PAK2: variants seen among roughly 807,000 people sequenced by gnomAD.
The protein encoded by PAK2 is p21 (RAC1) activated kinase 2, also known as serine/threonine-protein kinase PAK 2.
A neutral mutation model predicts 65.9 loss-of-function variants in PAK2; 21 were observed. That is an observed-to-expected ratio of 0.32 (90% CI 0.23 to 0.46). The LOEUF (loss-of-function observed/expected upper bound fraction) is 0.46. PAK2 is among the 20% of genes least tolerant of loss of function. The pLI, the probability that PAK2 is intolerant of heterozygous loss-of-function variation, is 1.00. For missense variants in PAK2, 324 were observed against 642.6 expected (o/e 0.50, Z 5.36); for synonymous variants, 204 against 219.7 (o/e 0.93, Z 0.63).
chr3:196,754,634 C>A (rs889484728), intron 1 of PAK2, among the ~76,000 whole-genome samples: 5 of 152,304 alleles, frequency 3.3e-5, no homozygotes, highest in South Asian at 4.1e-4. Flanking sequence ...TCTGATCTTA[C>A]ACCCACAACA....
At chr3:196,817,474 C>T (rs1711516549) in intron 11 of PAK2, among the ~76,000 whole-genome samples, 1 of 152,104 alleles carries the variant, frequency 6.6e-6, no homozygotes. Flanking sequence ...TCTCAGCCTC[C>T]TGAGCAGCTG....
intron 12 of PAK2, among the ~76,000 whole-genome samples, chr3:196,819,422 C>T (rs1283562813): frequency 6.6e-6 from 1 of 152,096 alleles, no homozygotes; most frequent in Non-Finnish European, 1.5e-5. Flanking sequence ...GCGTGGGCAA[C>T]AGAGTGAAAC....
At chr3:196,825,865 CAG>C (rs1711845793) in intron 13 of PAK2, among the ~76,000 whole-genome samples, 1 of 152,056 alleles carries the variant, frequency 6.6e-6, no homozygotes, top group Non-Finnish European at 1.5e-5. Context: ...ATTTTTGAGA[CAG>C]AGTCTTGCTG....
At chr3:196,822,941 C>T (rs554694484) in intron 13 of PAK2, among the ~76,000 whole-genome samples, 1 of 152,194 alleles carries the variant, frequency 6.6e-6, no homozygotes, top group East Asian at 1.9e-4. Flanking sequence ...GAGGTGCGGT[C>T]GATCGGCGAA....
At chr3:196,744,722 A>T (rs74692096) in intron 1 of PAK2, among the ~76,000 whole-genome samples, 231 of 152,324 alleles carry the variant, frequency 1.5e-3, no homozygotes, top group Non-Finnish European at 2.6e-3. Context: ...CCATATCATG[A>T]CATATAGTGG....
chr3:196,760,550 C>G (rs1463381352), intron 1 of PAK2, among the ~76,000 whole-genome samples: 1 of 152,200 alleles, frequency 6.6e-6, no homozygotes, highest in Non-Finnish European at 1.5e-5. Context: ...CAAGCCTGGA[C>G]TCTGAGTATG....
Position 196,767,688 on chromosome 3 carries a change from G to A in PAK2, c.-21-14938G>A, listed in dbSNP as rs572022282. Among the ~76,000 whole-genome samples the A allele has an allele frequency of 9.2e-5, 14 of 152,110 alleles. 1 individual carries two copies. Among genetic ancestry groups the A allele is most frequent in the African/African-American group, 3.4e-4 (14 of 41,396 alleles). On this transcript the variant is annotated intron_variant, in intron 1 of 14. Coordinates refer to ENST00000327134, the MANE Select transcript of PAK2 (RefSeq NM_002577.4). ...TGTGTGTGCTTTTAGTAGAGACGGGGTTTCATCATGTTAGCCAGGATGGTC... is the reference window on the plus strand; with the variant it reads ...TGTGTGTGCTTTTAGTAGAGACGGGATTTCATCATGTTAGCCAGGATGGTC...
Position 196,791,882 on chromosome 3 carries a change from G to T in PAK2, c.187+9049G>T, listed in dbSNP as rs577256237. On this transcript the variant is annotated intron_variant, in intron 2 of 14. Transcript: ENST00000327134. The surrounding 1 kb of genome is among the most constrained non-coding windows in gnomAD (Gnocchi z 4.0). ...GAGCTTGCAGTGGAGCTGTGATCGC[G>T]CCACCGCACTCCAACCTGGGCGACA... is the stretch of plus-strand genomic sequence containing the variant. Among the ~76,000 whole-genome samples the T allele has an allele frequency of 1.3e-5, 2 of 150,232 alleles. No homozygotes were observed. The highest frequency in any genetic ancestry group is 1.3e-4 in the Admixed American group (2 of 15,040).
At chr3:196,817,439 C>T (rs925364730) in intron 11 of PAK2, among the ~76,000 whole-genome samples, 52 of 152,070 alleles carry the variant, frequency 3.4e-4, no homozygotes, top group African/African-American at 1.3e-3. Flanking sequence ...CAAGTTCCGC[C>T]TCCCAGGTTC....
rs550721011 is a variant in PAK2, at chr3:196,832,416, C to T, written c.*4011C>T. The T allele has an allele frequency of 2.2e-4, 33 of 152,132 alleles. No individual in the cohort carries two copies. Among genetic ancestry groups the T allele is most frequent in the African/African-American group, 7.7e-4 (32 of 41,496 alleles). 9.4% of individuals were successfully genotyped at this position (152,132 alleles called of 1,614,324 possible). A position where few individuals can be genotyped will look rare whatever the true frequency, so the allele number is the denominator to read the frequency against. Reference sequence around the variant, plus strand: ...CAATTATTTAATTGTTATACATTGACATTAACTGCTGTATTTTGACTTTGT... The same window carrying T: ...CAATTATTTAATTGTTATACATTGATATTAACTGCTGTATTTTGACTTTGT... On this transcript the variant is annotated 3_prime_UTR_variant, in exon 15 of 15. Transcript: ENST00000327134.
chr3:196,815,608 G>A (rs1000927671), intron 11 of PAK2, among the ~76,000 whole-genome samples: 3 of 151,696 alleles, frequency 2.0e-5, no homozygotes, highest in Non-Finnish European at 2.9e-5. Context: ...CCAACACGGT[G>A]AAACCCCGTC....
intron 1 of PAK2, among the ~76,000 whole-genome samples, chr3:196,777,139 T>C (rs1714561300): frequency 6.6e-6 from 1 of 152,234 alleles, no homozygotes. Flanking sequence ...TTCATAAAAA[T>C]GTATGACATG....
intron 1 of PAK2, among the ~76,000 whole-genome samples, chr3:196,751,539 C>G (rs573942268): frequency 6.7e-6 from 1 of 149,972 alleles, no homozygotes; most frequent in South Asian, 2.1e-4. Context: ...CCCAGCTACT[C>G]GGGAGGCTGA....
intron 1 of PAK2, among the ~76,000 whole-genome samples, chr3:196,780,671 T>C (rs1183216103): frequency 6.6e-6 from 1 of 152,166 alleles, no homozygotes; most frequent in Admixed American, 6.5e-5. Flanking sequence ...TTCTCTTTTG[T>C]AGAATGAAAA....
chr3:196,765,961 A>G (rs1010957330), intron 1 of PAK2, among the ~76,000 whole-genome samples: 5 of 149,884 alleles, frequency 3.3e-5, no homozygotes, highest in East Asian at 2.0e-4. Context: ...GTGCAGTGGC[A>G]TGATCTCGGC....
chr3:196,792,645 G>A lies in PAK2; in HGVS notation c.188-9282G>A, dbSNP rs997087437. 6.6e-5 allele frequency among the ~76,000 whole-genome samples: 10 copies of A among 152,132 alleles called. No homozygotes were observed. In the East Asian group the frequency reaches 7.7e-4, roughly 12 times the overall value. On this transcript the variant is annotated intron_variant, in intron 2 of 14. Transcript: ENST00000327134. ...TCTTTGTAAACAAAGAAGAGCATAC[G>A]GTAACATTTCCAGTCTTATATGTAT...
intron 2 of PAK2, among the ~76,000 whole-genome samples, chr3:196,787,141 T>C (rs1020971458): frequency 1.3e-5 from 2 of 152,148 alleles, no homozygotes; most frequent in Admixed American, 6.5e-5. Context: ...TGATTGTTAA[T>C]GCCTGATGGA....
intron 2 of PAK2, among the ~76,000 whole-genome samples, chr3:196,786,500 A>T (rs1714895537): frequency 6.6e-6 from 1 of 152,026 alleles, no homozygotes; most frequent in South Asian, 2.1e-4. Context: ...TTTGTTTTTT[A>T]AGAAATTTTT....
chr3:196,819,498 C>G (rs1169724170), intron 12 of PAK2, among the ~76,000 whole-genome samples: 1 of 152,068 alleles, frequency 6.6e-6, no homozygotes. Flanking sequence ...ATGGAAAGAT[C>G]TCAAGAAATG....
Sources: gnomAD v4.1 joint callset for allele counts (sites outside exome capture counted in the v4.1 genomes callset) on GRCh38, gnomAD v4.1.1 for gene constraint, Gnocchi (gnomAD v3.1) non-coding constraint, MANE v1.5 for transcripts, NCBI Gene and HGNC (gene_info 2026-07-23, HGNC 2026-07-21) for gene names.